Variants in FBXW11 observed in about 807,000 individuals in gnomAD.
The protein encoded by FBXW11 is F-box/WD repeat-containing protein 11.
FBXW11 carries 19 observed loss-of-function variants against 77.6 expected under a neutral mutation model. The ratio of observed to expected loss-of-function variants is 0.24; its 90% CI spans 0.17 to 0.36. FBXW11 has a LOEUF of 0.36. Ranked by LOEUF, FBXW11 falls within the 10% of genes least tolerant of loss-of-function variation. The pLI is 1.00. For synonymous variants in FBXW11, 235 were observed against 249.4 expected (o/e 0.94, Z 0.54); for missense variants, 334 against 704.2 (o/e 0.47, Z 5.95).
chr5:171,963,550 C>A (rs1036937502), intron 1 of FBXW11, among the ~76,000 whole-genome samples: 2 of 152,144 alleles, frequency 1.3e-5, no homozygotes, highest in Non-Finnish European at 2.9e-5. Flanking sequence ...TGGCCCAATG[C>A]TTCTCAGCTG....
At chr5:171,867,802 A>G (rs1044399769) in intron 13 of FBXW11, 14 of 152,268 alleles carry the variant, frequency 9.2e-5, no homozygotes, top group African/African-American at 3.4e-4. Context: ...TTTATTAATC[A>G]CAACAGTCTT....
intron 3 of FBXW11, among the ~76,000 whole-genome samples, chr5:171,911,088 G>T (rs1047685187): frequency 6.6e-6 from 1 of 152,114 alleles, no homozygotes; most frequent in African/African-American, 2.4e-5. Context: ...TATATACTGG[G>T]TATCTCTATA....
intron 2 of FBXW11, among the ~76,000 whole-genome samples, chr5:171,917,249 C>G (rs561213322): frequency 3.6e-4 from 55 of 152,264 alleles, no homozygotes; most frequent in Non-Finnish European, 7.9e-4. Flanking sequence ...AAACTAAAAG[C>G]TTTTGAAATA....
chr5:171,893,916 T>C (rs994294066), intron 6 of FBXW11, among the ~76,000 whole-genome samples: 1 of 151,788 alleles, frequency 6.6e-6, no homozygotes, highest in Non-Finnish European at 1.5e-5. Context: ...TTTCAATGAC[T>C]AGAAAAAGCA....
intron 2 of FBXW11, among the ~76,000 whole-genome samples, chr5:171,919,356 C>T (rs1174546473): frequency 6.6e-6 from 1 of 152,140 alleles, no homozygotes; most frequent in Non-Finnish European, 1.5e-5. Flanking sequence ...TGTGGTAGCA[C>T]CAACCTAAGT....
rs1766025243 is a variant in FBXW11 at position 171,996,018 on chromosome 5, G to A, written c.45+10440C>T. ...TGAGTAACTGGCAGTTTATGCTTAC[G>A]AGCTCCATTTCACTAGCTGTAAAAT... On this transcript the variant is annotated intron_variant, in intron 1 of 13. Coordinates refer to ENST00000517395, the MANE Select transcript of FBXW11 (RefSeq NM_001378974.1). Among the ~76,000 whole-genome samples, 3 of 152,188 alleles carry A rather than the reference G, an allele frequency of 2.0e-5. No individual in the cohort carries two copies. The South Asian group carries it at 6.2e-4, about 32-fold the overall frequency.
chr5:171,983,538 C>T (rs745725371), intron 1 of FBXW11, among the ~76,000 whole-genome samples: 2 of 152,006 alleles, frequency 1.3e-5, no homozygotes, highest in Non-Finnish European at 2.9e-5. Flanking sequence ...TCTGTGGGAT[C>T]GGACACTATC....
chr5:172,004,688 C>T (rs1388623860), intron 1 of FBXW11, among the ~76,000 whole-genome samples: 1 of 152,136 alleles, frequency 6.6e-6, no homozygotes, highest in South Asian at 2.1e-4. Flanking sequence ...GTTGTAAGTA[C>T]ATGCACTGTG....
At chr5:171,934,658 CAG>C (rs887373000) in intron 2 of FBXW11, among the ~76,000 whole-genome samples, 2 of 136,082 alleles carry the variant, frequency 1.5e-5, no homozygotes, top group Admixed American at 1.6e-4. Flanking sequence ...GCCTGGGTGA[CAG>C]AGTGTGACCC....
intron 1 of FBXW11, among the ~76,000 whole-genome samples, chr5:172,006,028 T>A (rs1766738892): frequency 6.6e-6 from 1 of 151,044 alleles, no homozygotes; most frequent in African/African-American, 2.4e-5. Flanking sequence ...CCCCAACCCA[T>A]CTCCGTACTC....
intron 7 of FBXW11, among the ~76,000 whole-genome samples, chr5:171,886,844 T>A (rs770168448): frequency 1.4e-4 from 22 of 151,958 alleles, no homozygotes; most frequent in Non-Finnish European, 2.8e-4. Flanking sequence ...CGAAACCTCA[T>A]CTCTACTAAA....
chr5:171,875,291 A>G (rs1319621187), intron 9 of FBXW11, among the ~76,000 whole-genome samples: 1 of 152,162 alleles, frequency 6.6e-6, no homozygotes, highest in East Asian at 1.9e-4. Flanking sequence ...AGCTGATGAT[A>G]CATGCTACAA....
chr5:171,907,374 A>G (rs1344207091), intron 4 of FBXW11, among the ~76,000 whole-genome samples: 2 of 152,206 alleles, frequency 1.3e-5, no homozygotes, highest in Non-Finnish European at 2.9e-5. Flanking sequence ...ATGTACAGTA[A>G]AAATGAAACA....
intron 2 of FBXW11, among the ~76,000 whole-genome samples, chr5:171,922,156 T>G (rs1761636082): frequency 6.6e-6 from 1 of 152,194 alleles, no homozygotes. Flanking sequence ...GACTACATAT[T>G]ATTCTCAATT....
rs534608026 is a variant in FBXW11 at position 171,890,038 on chromosome 5, T to A, written c.852+1429A>T. Among the ~76,000 whole-genome samples, 169 of 152,214 alleles carry A rather than the reference T, an allele frequency of 1.1e-3. 2 individuals carry two copies. The South Asian group carries it at 0.034, about 31-fold the overall frequency. On this transcript the variant is annotated intron_variant, in intron 7 of 13. Coordinates refer to ENST00000517395, the MANE Select transcript of FBXW11 (RefSeq NM_001378974.1). ...TAATAAAAAAACAAAGAACCCATTT[T>A]AAAATGGGTAAAAGATCTGAAAAGA...
At chr5:171,881,781 T>C (rs375624567) in intron 7 of FBXW11, among the ~76,000 whole-genome samples, 4 of 152,350 alleles carry the variant, frequency 2.6e-5, no homozygotes, top group African/African-American at 9.6e-5. Context: ...AGATTACCTA[T>C]TTGTTTTTAT....
At chr5:171,896,977 G>A (rs1759782595) in intron 6 of FBXW11, among the ~76,000 whole-genome samples, 1 of 151,608 alleles carries the variant, frequency 6.6e-6, no homozygotes, top group Non-Finnish European at 1.5e-5. Context: ...TCTCAAAATG[G>A]GAGTAAAAAA....
At chr5:171,987,281 G>A (rs193129222) in intron 1 of FBXW11, among the ~76,000 whole-genome samples, 26 of 152,124 alleles carry the variant, frequency 1.7e-4, no homozygotes, top group East Asian at 3.9e-4. Context: ...GCAATACTCC[G>A]GCAATACACA....
chr5:171,875,834 C>T (rs972938481), intron 9 of FBXW11, among the ~76,000 whole-genome samples: 10 of 152,072 alleles, frequency 6.6e-5, no homozygotes, highest in East Asian at 1.9e-4. Context: ...CACCGCACTG[C>T]GAGTCCTCAA....
Sources: gnomAD v4.1 joint callset for allele counts (sites outside exome capture counted in the v4.1 genomes callset) on GRCh38, gnomAD v4.1.1 for gene constraint, MANE v1.5 for transcripts, NCBI Gene and HGNC (gene_info 2026-07-23, HGNC 2026-07-21) for gene names.